The following SLAMF7 variants were observed in gnomAD, a reference collection of about 807,000 sequenced individuals.
The protein encoded by SLAMF7 is SLAM family member 7, also known as 19A24 protein.
Under a neutral mutation model 34.1 loss-of-function variants are expected in SLAMF7, and 26 were observed. That is an observed-to-expected ratio of 0.76 (90% confidence interval 0.56 to 1.06). The LOEUF (loss-of-function observed/expected upper bound fraction) is 1.06, where lower values mean the gene tolerates loss of function less well. SLAMF7 is among the 50% of genes least tolerant of loss of function. The pLI is 0.00. For missense variants in SLAMF7, 399 were observed against 402.5 expected (o/e 0.99, Z 0.07); for synonymous variants, 171 against 156.4 (o/e 1.09, Z -0.70).
intron 5 of SLAMF7, chr1:160,751,860 CTCTATAT>C (rs1664643339): frequency 3.3e-5 from 1 of 30,250 alleles, no homozygotes; most frequent in Non-Finnish European, 5.9e-5. Context: ...CTCTCTCTCT[CTCTATAT>C]ATATATATAT....
In SLAMF7 at chr1:160,752,921, C is replaced by T. The variant is rs79571806; in HGVS notation, c.937-185C>T. ...TTAAGCATTCAGCAAGATAAATATGCGTTAAACTTACAGAATAGTTTCTCT... is the reference window on the plus strand; with the variant it reads ...TTAAGCATTCAGCAAGATAAATATGTGTTAAACTTACAGAATAGTTTCTCT... On this transcript the variant is annotated intron_variant, in intron 6 of 6. Transcript: ENST00000368043. 2.6e-5 allele frequency among the ~76,000 whole-genome samples: 4 copies of T among 152,078 alleles called. No individual in the cohort carries two copies. The East Asian group carries it at 7.7e-4, about 29-fold the overall frequency.
chr1:160,751,296 G>A (rs372901595), intron 4 of SLAMF7, 49 bp from the exon 5 acceptor site: 1 of 1,335,392 alleles, frequency 7.5e-7, no homozygotes, highest in Non-Finnish European at 1.1e-6. Flanking sequence ...CAGTGGAAGT[G>A]GTGAGTGGTT....
Position 160,749,824 on chromosome 1 carries a change from A to C in SLAMF7, c.380A>C (p.His127Pro), listed in dbSNP as rs1459189941. 6 of 1,583,274 alleles carry C rather than the reference A, an allele frequency of 3.8e-6. No homozygotes were observed. In the African/African-American group the frequency reaches 8.2e-5, roughly 22 times the overall value. Residue 127 changes from histidine to proline, a missense_variant, in exon 3 of 7, where the codon CAC (histidine) becomes CCC (proline). By Grantham distance (77) the His-to-Pro change is moderately conservative. Transcript: ENST00000368043. ...TQEYVLHVYE[H>P]LSKPKVTMGL... ...CTGGTTTTCCTTCCTCTCACAGAGC[A>C]CCTGTCAAAGCCTAAAGTCACCATG...
At chr1:160,742,682 G>A (rs1166196622) in intron 1 of SLAMF7, among the ~76,000 whole-genome samples, 1 of 152,222 alleles carries the variant, frequency 6.6e-6, no homozygotes, top group Non-Finnish European at 1.5e-5. Context: ...AAAACTCGAA[G>A]TGGTAAGTGG....
chr1:160,742,197 G>A (rs1663803595), intron 1 of SLAMF7, among the ~76,000 whole-genome samples: 1 of 152,138 alleles, frequency 6.6e-6, no homozygotes, highest in Non-Finnish European at 1.5e-5. Flanking sequence ...ACAACCAAGA[G>A]GAAAGGAAGG....
rs766942286 is a variant in SLAMF7, at chr1:160,749,965, C to T, written c.521C>T (p.Ser174Phe). 14 of 1,613,996 alleles carry T rather than the reference C, an allele frequency of 8.7e-6. No homozygotes were observed. Among genetic ancestry groups the T allele is most frequent in the Non-Finnish European group, 1.2e-5 (14 of 1,179,976 alleles). Residue 174 changes from serine to phenylalanine, a missense_variant, in exon 3 of 7, where the codon TCC becomes TTC. Ser to Phe is a radical substitution (Grantham distance 155, BLOSUM62 -2). Coordinates refer to ENST00000368043, the MANE Select transcript of SLAMF7 (RefSeq NM_021181.5). ...WKALGQAANE[S>F]HNGSILPISW... Reference sequence around the variant, plus strand: ...GCCCTGGGGCAAGCAGCCAATGAGTCCCATAATGGGTCCATCCTCCCCATC... The same window carrying T: ...GCCCTGGGGCAAGCAGCCAATGAGTTCCATAATGGGTCCATCCTCCCCATC...
At chr1:160,750,921 GTC>G (rs1664525964) in intron 4 of SLAMF7, 2 of 235,958 alleles carry the variant, frequency 8.5e-6, no homozygotes, top group South Asian at 1.2e-4. Flanking sequence ...GCCTTTCCCT[GTC>G]TCTCTCCAGT....
At chr1:160,752,014 C>T in intron 5 of SLAMF7, 172 bp from the exon 6 acceptor site, 1 of 541,234 alleles carries the variant, frequency 1.8e-6, no homozygotes. Context: ...ATAGCAGTCA[C>T]CAACAAGAGA....
At chr1:160,750,793 G>A (rs1046991908) in intron 4 of SLAMF7, 3 of 226,018 alleles carry the variant, frequency 1.3e-5, no homozygotes, top group Non-Finnish European at 2.6e-5. Flanking sequence ...CCACAGACCA[G>A]CATCCTCTAG....
At chr1:160,748,169 A>C in intron 1 of SLAMF7, 25 bp from the exon 2 acceptor site, 1 of 1,606,590 alleles carries the variant, frequency 6.2e-7, no homozygotes, top group Non-Finnish European at 8.5e-7. Context: ...AATCAGGCTT[A>C]TTTTATGGTT....
chr1:160,751,297 G>T, intron 4 of SLAMF7, 48 bp from the exon 5 acceptor site: 1 of 1,352,942 alleles, frequency 7.4e-7, no homozygotes. Flanking sequence ...AGTGGAAGTG[G>T]TGAGTGGTTG....
chr1:160,751,716 G>A, intron 5 of SLAMF7: 1 of 353,456 alleles, frequency 2.8e-6, no homozygotes, highest in Admixed American at 4.4e-5. Flanking sequence ...GTTCATAACG[G>A]CCACACAAAA....
At chr1:160,752,750 G>GGCA (rs1009602065) in intron 6 of SLAMF7, among the ~76,000 whole-genome samples, 2 of 152,244 alleles carry the variant, frequency 1.3e-5, no homozygotes, top group Admixed American at 6.5e-5. Context: ...GAGTACGGTT[G>GGCA]GCAGCAGTAA....
chr1:160,750,735 ACT>A (rs1462921706), intron 4 of SLAMF7: 1 of 260,316 alleles, frequency 3.8e-6, no homozygotes, highest in Admixed American at 5.1e-5. Context: ...CACACTGCTG[ACT>A]CTGCTCCCCT....
At chr1:160,739,862 T>C (rs1032873973) in intron 1 of SLAMF7, 5 of 154,870 alleles carry the variant, frequency 3.2e-5, no homozygotes, top group Admixed American at 3.1e-4. Flanking sequence ...ATGTAATCAG[T>C]CTCTACTTAG....
chr1:160,747,763 C>A (rs897152473), intron 1 of SLAMF7, among the ~76,000 whole-genome samples: 1 of 152,182 alleles, frequency 6.6e-6, no homozygotes, highest in Non-Finnish European at 1.5e-5. Context: ...AAACTAAATT[C>A]TCTCACTGCT....
intron 2 of SLAMF7, 27 bp downstream of exon 2, chr1:160,748,541 A>T: frequency 6.3e-7 from 1 of 1,586,196 alleles, no homozygotes; most frequent in Non-Finnish European, 8.6e-7. Context: ...CCAATGGTGG[A>T]TGGCTGCCTT....
At chr1:160,739,436 C>A (rs936944926) in intron 1 of SLAMF7, 80 bp downstream of exon 1, 21 of 1,267,036 alleles carry the variant, frequency 1.7e-5, no homozygotes, top group Admixed American at 6.4e-5. Context: ...CACTCTGGGC[C>A]TCTGGCTCAA....
rs780426694 is a variant in SLAMF7 at position 160,739,333 on chromosome 1, T to G, written c.32T>G (p.Ile11Ser). 10 of 1,613,862 alleles carry G rather than the reference T, an allele frequency of 6.2e-6. No homozygotes were observed. Among genetic ancestry groups the G allele is most frequent in the Non-Finnish European group, 8.5e-6 (10 of 1,179,840 alleles). MAGSPTCLTL[I>S]YILWQLTGSA... ...GGTTCCCCAACATGCCTCACCCTCA[T>G]CTATATCCTTTGGCAGCTCACAGGT... The change falls in exon 1 of 7, where the codon ATC becomes AGC. Residue 11 changes from isoleucine (I) to serine (S), a missense_variant. Physicochemically the swap from Ile to Ser is moderately radical, Grantham distance 142. Coordinates refer to ENST00000368043, the MANE Select transcript of SLAMF7 (RefSeq NM_021181.5).
Sources: gnomAD v4.1 joint callset for allele counts (sites outside exome capture counted in the v4.1 genomes callset) on GRCh38, gnomAD v4.1.1 for gene constraint, MANE v1.5 for transcripts, NCBI Gene and HGNC (gene_info 2026-07-23, HGNC 2026-07-21) for gene names.